NOS1: variants seen among roughly 807,000 people sequenced by gnomAD.
NOS1 encodes the protein nitric oxide synthase 1, also known as NOS type I.
In NOS1, 51 loss-of-function variants were observed where a neutral mutation model predicts 164.5. That is an observed-to-expected ratio of 0.31 (90% CI 0.25 to 0.39). NOS1 has a LOEUF of 0.39. NOS1 is among the 10% of genes least tolerant of loss of function. The pLI is 1.00. For synonymous variants in NOS1, 719 were observed against 745.8 expected (o/e 0.96, Z 0.59); for missense variants, 1,362 against 1,885.6 (o/e 0.72, Z 5.14).
At chr12:117,268,190 G>T (rs751449610) in intron 10 of NOS1, 46 bp from the exon 11 acceptor site, 1 of 1,309,922 alleles carries the variant, frequency 7.6e-7, no homozygotes, top group Non-Finnish European at 1.1e-6. Context: ...GGTATCTCTG[G>T]ATTTCAGATT....
rs1956571710 is a variant in NOS1, at chr12:117,214,418, G to A, written c.*891C>T. ...TCCAGGCCCCTTGGATGCTATTGCT[G>A]GAGGAGGGGGTCAGTCAATGGATGT... On this transcript the variant is annotated 3_prime_UTR_variant, in exon 29 of 29. Transcript: ENST00000317775. 5 of 985,410 alleles carry A rather than the reference G, an allele frequency of 5.1e-6. No homozygotes were observed. The highest frequency in any genetic ancestry group is 6.0e-6 in the Non-Finnish European group (5 of 829,942). The allele number at this position is 985,410 out of a possible 1,614,324, so 61.0% of individuals were successfully genotyped here.
At chr12:117,226,855 G>A in intron 23 of NOS1, 85 bp from the exon 24 acceptor site, 2 of 985,846 alleles carry the variant, frequency 2.0e-6, no homozygotes, top group Non-Finnish European at 3.2e-6. Context: ...AATACCCACA[G>A]GCCCAGTGCC....
At chr12:117,333,411 C>G (rs183999803) in intron 1 of NOS1, among the ~76,000 whole-genome samples, 2 of 152,142 alleles carry the variant, frequency 1.3e-5, no homozygotes, top group East Asian at 3.9e-4. Context: ...TCCCTTTTAG[C>G]GACTTCCCAG....
At chr12:117,353,095 CCTAG>C (rs989912044) in intron 1 of NOS1, among the ~76,000 whole-genome samples, 13 of 152,016 alleles carry the variant, frequency 8.6e-5, no homozygotes, top group East Asian at 3.9e-4. Context: ...TATCTACCTA[CCTAG>C]CTATCTATCC....
At position 117,263,880 on chromosome 12, in the gene NOS1, G is replaced by C. The variant is rs528992305; in HGVS notation, c.2222+9C>G. On this transcript the variant is annotated intron_variant, in intron 13 of 28. Transcript: ENST00000317775. ...CATCCACCCCACCCGCCCACTGCAC[G>C]AAACTTACTCTGCTAGCTTCTTGAA... 7 of 1,612,622 alleles carry C rather than the reference G, an allele frequency of 4.3e-6. No individual in the cohort carries two copies. The Admixed American group carries it at 1.2e-4, about 27-fold the overall frequency.
intron 1 of NOS1, among the ~76,000 whole-genome samples, chr12:117,354,516 G>C (rs772512639): frequency 5.3e-5 from 8 of 152,166 alleles, no homozygotes; most frequent in Non-Finnish European, 1.0e-4. Flanking sequence ...CTGAGATACT[G>C]CTTCAAAAAA....
rs901091252 is a variant in NOS1, at chr12:117,356,172, C to G, written c.-421+5340G>C. Reference sequence around the variant, plus strand: ...ATCCTCCTAACAACTCCCTGTAGTACTTATAATCTCTGCTGTATGAATGAC... The same window carrying G: ...ATCCTCCTAACAACTCCCTGTAGTAGTTATAATCTCTGCTGTATGAATGAC... On this transcript the variant is annotated intron_variant, in intron 1 of 28. Coordinates refer to ENST00000317775, the MANE Select transcript of NOS1 (RefSeq NM_000620.5). This position sits in a 1 kb window ranked among gnomAD's most constrained non-coding sequence, Gnocchi z 4.2. Among the ~76,000 whole-genome samples the G allele has an allele frequency of 6.6e-6, 1 of 152,182 alleles. No homozygotes were observed. The highest frequency in any genetic ancestry group is 1.5e-5 in the Non-Finnish European group (1 of 68,032).
intron 26 of NOS1, among the ~76,000 whole-genome samples, chr12:117,222,390 G>A (rs1372712992): frequency 6.6e-6 from 1 of 152,086 alleles, no homozygotes; most frequent in Non-Finnish European, 1.5e-5. Flanking sequence ...CAAGTAGCTG[G>A]GACTACAGGT....
chr12:117,214,993 C>T lies in NOS1; in HGVS notation c.*316G>A, dbSNP rs1956582429. 8.9e-7 allele frequency: 1 copy of T among 1,126,702 alleles called. No homozygotes were observed. Among genetic ancestry groups the T allele is most frequent in the Admixed American group, 4.9e-5 (1 of 20,224 alleles). 69.8% of individuals were successfully genotyped at this position (1,126,702 alleles called of 1,614,324 possible). On this transcript the variant is annotated 3_prime_UTR_variant, in exon 29 of 29. Transcript: ENST00000317775. Reference sequence around the variant, plus strand: ...CCAGGGGAACCCCAGAGAAAAAAACCCCCACAGCGACGGCCATGTTCCAGT... The same window carrying T: ...CCAGGGGAACCCCAGAGAAAAAAACTCCCACAGCGACGGCCATGTTCCAGT...
At chr12:117,305,662 G>A (rs932850126) in intron 3 of NOS1, among the ~76,000 whole-genome samples, 9 of 152,080 alleles carry the variant, frequency 5.9e-5, no homozygotes, top group African/African-American at 2.2e-4. Flanking sequence ...TGTTTCCTTT[G>A]CGCTGGAGCT....
intron 2 of NOS1, among the ~76,000 whole-genome samples, chr12:117,325,092 G>T (rs1000669485): frequency 6.6e-6 from 1 of 152,076 alleles, no homozygotes; most frequent in Non-Finnish European, 1.5e-5. Context: ...GTGTGTCCTG[G>T]ATCTGGGGCT....
In NOS1 at chr12:117,208,171, A is replaced by T; in HGVS notation, c.*7138T>A. 1.2e-6 allele frequency: 1 copy of T among 853,938 alleles called. No homozygotes were observed. The highest frequency in any genetic ancestry group is 2.8e-4 in the Middle Eastern group (1 of 3,618). The allele number at this position is 853,938 out of a possible 1,614,324, so 52.9% of individuals were successfully genotyped here. A position where few individuals can be genotyped will look rare whatever the true frequency, so the allele number is the denominator to read the frequency against. ...ATCCACTTTTTAATATTGTAACCAT[A>T]ATGCAAACAAGCATAATAGGCTTTT... On this transcript the variant is annotated 3_prime_UTR_variant, in exon 29 of 29. Coordinates refer to ENST00000317775, the MANE Select transcript of NOS1 (RefSeq NM_000620.5).
chr12:117,351,636 A>G (rs528295049), intron 1 of NOS1, among the ~76,000 whole-genome samples: 3 of 152,372 alleles, frequency 2.0e-5, no homozygotes, highest in Non-Finnish European at 4.4e-5. Context: ...AAGCCAAGTC[A>G]TCCTAATCAC....
chr12:117,345,058 G>A (rs2136087942), intron 1 of NOS1, among the ~76,000 whole-genome samples: 1 of 135,838 alleles, frequency 7.4e-6, no homozygotes, highest in African/African-American at 2.7e-5. Context: ...TTTTGGCAGT[G>A]TCTCACTCTG....
Position 117,211,567 on chromosome 12 carries a change from G to A in NOS1, c.*3742C>T. 1 of 985,544 alleles carries A rather than the reference G, an allele frequency of 1.0e-6. No individual in the cohort carries two copies. The highest frequency in any genetic ancestry group is 1.2e-6 in the Non-Finnish European group (1 of 830,034). The allele number at this position is 985,544 out of a possible 1,614,324, so 61.0% of individuals were successfully genotyped here. A position where few individuals can be genotyped will look rare whatever the true frequency, so the allele number is the denominator to read the frequency against. ...TGCCACTCACCTCTCCCCACGGTCTGGTCCCAGCCCACCTTTTCTCACCCT... is the reference window on the plus strand; with the variant it reads ...TGCCACTCACCTCTCCCCACGGTCTAGTCCCAGCCCACCTTTTCTCACCCT... On this transcript the variant is annotated 3_prime_UTR_variant, in exon 29 of 29. Coordinates refer to ENST00000317775, the MANE Select transcript of NOS1 (RefSeq NM_000620.5).
intron 3 of NOS1, among the ~76,000 whole-genome samples, chr12:117,305,766 C>T (rs1167446234): frequency 2.0e-5 from 3 of 150,424 alleles, no homozygotes; most frequent in Admixed American, 1.3e-4. Context: ...ACAACAGAGC[C>T]AGGATGATTT....
intron 21 of NOS1, among the ~76,000 whole-genome samples, chr12:117,232,807 T>G (rs1415748414): frequency 6.6e-6 from 1 of 152,160 alleles, no homozygotes; most frequent in Admixed American, 6.5e-5. Flanking sequence ...CAATCCCAAA[T>G]AAAAAGCTCT....
At chr12:117,340,913 TG>T (rs5801225) in intron 1 of NOS1, among the ~76,000 whole-genome samples, 15,974 of 133,736 alleles carry the variant, frequency 0.12, 1,058 homozygotes, top group Admixed American at 0.22. Flanking sequence ...TTAGTAGAGA[TG>T]GGGTTTCACC....
chr12:117,249,356 G>GA (rs1476471668), intron 17 of NOS1, among the ~76,000 whole-genome samples: 2 of 152,126 alleles, frequency 1.3e-5, no homozygotes, highest in Non-Finnish European at 2.9e-5. Flanking sequence ...TGGTTCTAAG[G>GA]AGGACGAGTT....
Sources: allele counts gnomAD v4.1 joint callset (sites outside exome capture counted in the v4.1 genomes callset), GRCh38; gene constraint gnomAD v4.1.1; non-coding constraint Gnocchi (gnomAD v3.1); transcripts MANE v1.5; gene names NCBI Gene and HGNC (gene_info 2026-07-23, HGNC 2026-07-21).